Variants in PTPRN2 observed in about 807,000 individuals in gnomAD.
PTPRN2 encodes receptor-type tyrosine-protein phosphatase N2.
Under a neutral mutation model 118.8 loss-of-function variants are expected in PTPRN2, and 74 were observed. That is an observed-to-expected ratio of 0.62 (90% CI 0.52 to 0.76). PTPRN2 has a LOEUF of 0.76. Ranked by LOEUF, PTPRN2 falls within the 30% of genes least tolerant of loss-of-function variation. PTPRN2 has a pLI of 0.00. For missense variants in PTPRN2, 1,481 were observed against 1,394.4 expected, an observed-to-expected ratio of 1.06 and a Z score of -0.99; for synonymous variants, 641 against 608.0, an observed-to-expected ratio of 1.05 and a Z score of -0.80.
chr7:157,915,679 G>T (rs1477642314), intron 11 of PTPRN2, among the ~76,000 whole-genome samples: 1 of 152,098 alleles, frequency 6.6e-6, no homozygotes, highest in African/African-American at 2.4e-5. Context: ...CATGAATGCT[G>T]AAGTTCAGGT....
intron 12 of PTPRN2, among the ~76,000 whole-genome samples, chr7:157,692,387 G>A (rs1797549621): frequency 6.6e-6 from 1 of 152,198 alleles, no homozygotes; most frequent in Non-Finnish European, 1.5e-5. Context: ...CGGTGCAGAG[G>A]GCCTTGCCTG....
chr7:158,186,815 C>T (rs529035430), intron 5 of PTPRN2, among the ~76,000 whole-genome samples: 1 of 152,346 alleles, frequency 6.6e-6, no homozygotes, highest in African/African-American at 2.4e-5. Context: ...TTTCTCCCTC[C>T]TACCCAGCAA....
At chr7:157,962,328 T>TCCC (rs1801599493) in intron 11 of PTPRN2, among the ~76,000 whole-genome samples, 2 of 147,558 alleles carry the variant, frequency 1.4e-5, no homozygotes, top group Non-Finnish European at 2.9e-5. Context: ...GGAGTGTTAT[T>TCCC]CCACCAGCGG....
At chr7:158,181,822 A>G (rs1002671725) in intron 5 of PTPRN2, among the ~76,000 whole-genome samples, 1 of 152,168 alleles carries the variant, frequency 6.6e-6, no homozygotes, top group African/African-American at 2.4e-5. Context: ...TTCTTGATTA[A>G]TCTAGCTAAT....
At chr7:158,415,247 G>C (rs546172879) in intron 2 of PTPRN2, among the ~76,000 whole-genome samples, 1 of 152,176 alleles carries the variant, frequency 6.6e-6, no homozygotes, top group Non-Finnish European at 1.5e-5. Context: ...TTGGTGAAGA[G>C]ACGCAAAGCT....
At chr7:158,337,129 T>A (rs1212858730) in intron 2 of PTPRN2, among the ~76,000 whole-genome samples, 1 of 151,820 alleles carries the variant, frequency 6.6e-6, no homozygotes. Flanking sequence ...CCCACAGAGG[T>A]CACTTACAGC....
At chr7:158,288,045 T>C (rs1485111676) in intron 3 of PTPRN2, among the ~76,000 whole-genome samples, 9 of 152,184 alleles carry the variant, frequency 5.9e-5, no homozygotes, top group Non-Finnish European at 1.3e-4. Context: ...AATTGACCCC[T>C]TTATCACTGT....
intron 2 of PTPRN2, among the ~76,000 whole-genome samples, chr7:158,341,347 C>T: frequency 6.6e-6 from 1 of 150,490 alleles, no homozygotes; most frequent in Non-Finnish European, 1.5e-5. Context: ...ACACTCTCAC[C>T]ATAAGAGGTA....
rs1040565741 is a variant in PTPRN2 at position 157,736,618 on chromosome 7, T to C, written c.1789-53681A>G. 4.0e-5 allele frequency among the ~76,000 whole-genome samples: 6 copies of C among 151,000 alleles called. No homozygotes were observed. The East Asian group carries it at 1.2e-3, about 30-fold the overall frequency. On this transcript the variant is annotated intron_variant, in intron 12 of 22. Transcript: ENST00000389418. ...AGAACAGACGTGTCCTGCAGTTTAA[T>C]GCACCCAGTCTGTGGTCCTGGGCAC...
chr7:158,149,415 A>T (rs1366212720), intron 6 of PTPRN2, among the ~76,000 whole-genome samples: 1 of 151,800 alleles, frequency 6.6e-6, no homozygotes, highest in East Asian at 1.9e-4. Flanking sequence ...CATAAAATGT[A>T]TAAGATGTTA....
intron 15 of PTPRN2, among the ~76,000 whole-genome samples, chr7:157,605,835 T>G (rs556050962): frequency 6.6e-6 from 1 of 152,322 alleles, no homozygotes; most frequent in African/African-American, 2.4e-5. Context: ...CGAGTGGCCG[T>G]GGGCAGGCCT....
intron 2 of PTPRN2, among the ~76,000 whole-genome samples, chr7:158,370,306 C>T (rs1809869686): frequency 6.6e-6 from 1 of 152,044 alleles, no homozygotes; most frequent in South Asian, 2.1e-4. Context: ...GGTATGGTGA[C>T]ACACCTGTAG....
chr7:157,931,795 C>T (rs12671071), intron 11 of PTPRN2, among the ~76,000 whole-genome samples: 47,270 of 151,898 alleles, frequency 0.31, 7,793 homozygotes, highest in Non-Finnish European at 0.38. Flanking sequence ...TTACGGCTGC[C>T]GTGCAGGGCG....
chr7:157,939,907 C>T (rs1243506190), intron 11 of PTPRN2, among the ~76,000 whole-genome samples: 9 of 152,194 alleles, frequency 5.9e-5, no homozygotes, highest in Non-Finnish European at 1.2e-4. Flanking sequence ...GGAGGCAATG[C>T]TTCCTGAATG....
At position 157,560,126 on chromosome 7, in the gene PTPRN2, G is replaced by A. The variant is rs573830794; in HGVS notation, c.2902+8776C>T. The stretch of plus-strand genomic sequence containing the variant: ...TGTCTGCGTGACCATGAGGAGAAGC[G>A]GAGGACAGCCCAGGTGAGGACATCA... On this transcript the variant is annotated intron_variant, in intron 21 of 22. Transcript: ENST00000389418. This position sits in a 1 kb window ranked among gnomAD's most constrained non-coding sequence, Gnocchi z 6.7. Among the ~76,000 whole-genome samples, 9 of 152,262 alleles carry A rather than the reference G, an allele frequency of 5.9e-5. No individual in the cohort carries two copies. Among genetic ancestry groups the A allele is most frequent in the East Asian group, 3.9e-4 (2 of 5,174 alleles).
rs1806372933 is a variant in PTPRN2, at chr7:158,015,429, A to C, written c.1723+65869T>G. Among the ~76,000 whole-genome samples, 1 of 149,128 alleles carries C rather than the reference A, an allele frequency of 6.7e-6. No homozygotes were observed. Among genetic ancestry groups the C allele is most frequent in the Admixed American group, 6.7e-5 (1 of 14,968 alleles). On this transcript the variant is annotated intron_variant, in intron 11 of 22. Transcript: ENST00000389418. The surrounding 1 kb of genome is among the most constrained non-coding windows in gnomAD (Gnocchi z 4.2). The stretch of plus-strand genomic sequence containing the variant: ...AAATAGAGAAGAGATGGGGAGAGAG[A>C]GGGAAAAAGTGAGAGGAGGGGTGGT...
In PTPRN2 at chr7:157,944,091, C is replaced by G. The variant is rs1402850822; in HGVS notation, c.1724-45354G>C. 6.6e-6 allele frequency among the ~76,000 whole-genome samples: 1 copy of G among 152,206 alleles called. No homozygotes were observed. The highest frequency in any genetic ancestry group is 2.4e-5 in the African/African-American group (1 of 41,440). ...CATTTCCAGTAAGTATCAAAAGCTGCTATCACTTCAATTACAGACACTCCG... is the reference window on the plus strand; with the variant it reads ...CATTTCCAGTAAGTATCAAAAGCTGGTATCACTTCAATTACAGACACTCCG... On this transcript the variant is annotated intron_variant, in intron 11 of 22. Transcript: ENST00000389418. This position sits in a 1 kb window ranked among gnomAD's most constrained non-coding sequence, Gnocchi z 4.3.
chr7:157,841,586 G>A (rs1462244505), intron 12 of PTPRN2, among the ~76,000 whole-genome samples: 2 of 152,140 alleles, frequency 1.3e-5, no homozygotes, highest in African/African-American at 2.4e-5. Flanking sequence ...GTAATTACCC[G>A]AGGCTGCTGG....
chr7:158,071,597 CCTG>C lies in PTPRN2; in HGVS notation c.1723+9698_1723+9700del, dbSNP rs1563392306. On this transcript the variant is annotated intron_variant, in intron 11 of 22. Coordinates refer to ENST00000389418, the MANE Select transcript of PTPRN2 (RefSeq NM_002847.5). ...TGGAGGTGCTCCTGGTGGAGGTGCT[CCTG>C]GTGGAGGTGCTCGTGGTGGAGGTGC... Among the ~76,000 whole-genome samples, 133 of 22,930 alleles carry C rather than the reference CCTG, an allele frequency of 5.8e-3. 3 individuals carry two copies. The highest frequency in any genetic ancestry group is 0.014 in the African/African-American group (68 of 4,834). 15.0% of individuals were successfully genotyped at this position (22,930 alleles called of 152,430 possible).
Sources: allele counts gnomAD v4.1 joint callset (sites outside exome capture counted in the v4.1 genomes callset), GRCh38; gene constraint gnomAD v4.1.1; non-coding constraint Gnocchi (gnomAD v3.1); transcripts MANE v1.5; gene names NCBI Gene and HGNC (gene_info 2026-07-23, HGNC 2026-07-21).